The following IGF2R variants were observed in gnomAD, a reference collection of about 807,000 sequenced individuals.
The protein encoded by IGF2R is cation-independent mannose-6-phosphate receptor.
Under a neutral mutation model 270.6 loss-of-function variants are expected in IGF2R, and 91 were observed. The observed-to-expected ratio is 0.34, with a 90% confidence interval of 0.28 to 0.40. The LOEUF (loss-of-function observed/expected upper bound fraction) is 0.40, where lower values mean the gene tolerates loss of function less well. Among genes scored for constraint, IGF2R ranks in the 10% least tolerant of loss-of-function variants. IGF2R has a pLI of 1.00. For synonymous variants in IGF2R, 1,316 were observed against 1,258.9 expected (o/e 1.05, Z -0.96); for missense variants, 2,805 against 3,188.3 (o/e 0.88, Z 2.90).
Position 160,084,880 on chromosome 6 carries a change from A to G in IGF2R, c.6069-115A>G. On this transcript the variant is annotated intron_variant, in intron 40 of 47. Coordinates refer to ENST00000356956, the MANE Select transcript of IGF2R (RefSeq NM_000876.4). This position sits in a 1 kb window ranked among gnomAD's most constrained non-coding sequence, Gnocchi z 4.6. ...TTTTAGTGCTACATTCAGTGATGGA[A>G]TGGAGCCCTTAGTTATCAGAACCTT... The G allele has an allele frequency of 1.0e-6, 1 of 969,824 alleles. No individual in the cohort carries two copies. Among genetic ancestry groups the G allele is most frequent in the Non-Finnish European group, 1.5e-6 (1 of 649,448 alleles). 60.1% of individuals were successfully genotyped at this position (969,824 alleles called of 1,614,324 possible).
chr6:160,008,101 A>C (rs1216424796), intron 2 of IGF2R, among the ~76,000 whole-genome samples: 1 of 152,218 alleles, frequency 6.6e-6, no homozygotes. Context: ...ATAATGTTTT[A>C]AGAAAGTTTA....
intron 2 of IGF2R, chr6:160,007,315 A>G (rs748679672): frequency 1.4e-4 from 22 of 152,214 alleles, no homozygotes; most frequent in Non-Finnish European, 2.9e-4. Context: ...GCTGACTTAC[A>G]TAGTTGTTGA....
rs1419409961 is a variant in IGF2R at position 160,105,241 on chromosome 6, A to AG, written c.*159dup. On this transcript the variant is annotated 3_prime_UTR_variant, in exon 48 of 48. Coordinates refer to ENST00000356956, the MANE Select transcript of IGF2R (RefSeq NM_000876.4). ...GATGGGGGAGAGGGTGAAGGAGGTC[A>AG]GGCCCCACTCCTTCCTGATTGTTTA... 12 of 624,284 alleles carry AG rather than the reference A, an allele frequency of 1.9e-5. No individual in the cohort carries two copies. Among genetic ancestry groups the AG allele is most frequent in the Non-Finnish European group, 1.1e-5 (4 of 361,224 alleles). 38.7% of individuals were successfully genotyped at this position (624,284 alleles called of 1,614,324 possible).
chr6:160,044,811 A>G (rs1181571564), intron 13 of IGF2R, among the ~76,000 whole-genome samples, 154 bp downstream of exon 13: 1 of 152,202 alleles, frequency 6.6e-6, no homozygotes, highest in Non-Finnish European at 1.5e-5. Flanking sequence ...GATGGGAGAT[A>G]GGTCATTTGG....
chr6:160,030,885 A>G (rs931654696), intron 7 of IGF2R, among the ~76,000 whole-genome samples: 1 of 148,514 alleles, frequency 6.7e-6, no homozygotes, highest in Non-Finnish European at 1.5e-5. Flanking sequence ...GTGCAGTGCC[A>G]CGATCTCACT....
intron 4 of IGF2R, among the ~76,000 whole-genome samples, chr6:160,015,766 G>A (rs908525774): frequency 6.6e-6 from 1 of 152,164 alleles, no homozygotes; most frequent in Non-Finnish European, 1.5e-5. Context: ...GGGGCCTGGT[G>A]GAAGGTGATT....
chr6:159,980,818 G>A (rs1783788379), intron 1 of IGF2R, among the ~76,000 whole-genome samples: 1 of 152,264 alleles, frequency 6.6e-6, no homozygotes, highest in Middle Eastern at 3.4e-3. Flanking sequence ...GCTGGGGGCT[G>A]GATTGTCCTT....
At position 160,078,486 on chromosome 6, in the gene IGF2R, C is replaced by T. The variant is rs1232015971; in HGVS notation, c.5478+124C>T. 4 of 904,036 alleles carry T rather than the reference C, an allele frequency of 4.4e-6. No homozygotes were observed. In the African/African-American group the frequency reaches 6.6e-5, roughly 15 times the overall value. The allele number at this position is 904,036 out of a possible 1,614,324, so 56.0% of individuals were successfully genotyped here. On this transcript the variant is annotated intron_variant, in intron 37 of 47. Coordinates refer to ENST00000356956, the MANE Select transcript of IGF2R (RefSeq NM_000876.4). Reference sequence around the variant, plus strand: ...TGAGAGGGTGTATGTGGCCACTGGGCAGCATCTTGGTGCTCTCGTAGGGCA... The same window carrying T: ...TGAGAGGGTGTATGTGGCCACTGGGTAGCATCTTGGTGCTCTCGTAGGGCA...
intron 2 of IGF2R, among the ~76,000 whole-genome samples, chr6:159,995,191 C>T (rs1378708418): frequency 3.4e-5 from 5 of 147,938 alleles, no homozygotes; most frequent in African/African-American, 1.2e-4. Flanking sequence ...ATTTAATGGT[C>T]TTTTTTTTTT....
chr6:160,102,892 G>A lies in IGF2R; in HGVS notation c.6995+221G>A, dbSNP rs1314994449. On this transcript the variant is annotated intron_variant, in intron 46 of 47. Coordinates refer to ENST00000356956, the MANE Select transcript of IGF2R (RefSeq NM_000876.4). The surrounding 1 kb of genome is among the most constrained non-coding windows in gnomAD (Gnocchi z 4.5). Reference sequence around the variant, plus strand: ...AGGCCGAGGCCCTCGCACATCACCCGTGCCTGCGGCTTCTAGGACCGTGGT... The same window carrying A: ...AGGCCGAGGCCCTCGCACATCACCCATGCCTGCGGCTTCTAGGACCGTGGT... 3.3e-5 allele frequency among the ~76,000 whole-genome samples: 5 copies of A among 152,134 alleles called. No homozygotes were observed. Among genetic ancestry groups the A allele is most frequent in the African/African-American group, 7.2e-5 (3 of 41,410 alleles).
intron 10 of IGF2R, among the ~76,000 whole-genome samples, chr6:160,039,285 A>G (rs753780585): frequency 1.3e-4 from 20 of 152,222 alleles, no homozygotes; most frequent in Non-Finnish European, 2.6e-4. Flanking sequence ...TAAGTATTTG[A>G]GTATCTAAAT....
In IGF2R at chr6:160,047,271, C is replaced by G. The variant is rs764614349; in HGVS notation, c.2164C>G (p.Pro722Ala). 6.2e-7 allele frequency: 1 copy of G among 1,613,226 alleles called. No individual in the cohort carries two copies. The highest frequency in any genetic ancestry group is 1.7e-4 in the Middle Eastern group (1 of 6,058). The change falls in exon 16 of 48, where the codon CCG becomes GCG. Residue 722 changes from proline to alanine, a missense_variant. Transcript: ENST00000356956. ...GTPYNNERHT[P>A]RATLITFLCD... ...ACCCTATAACAATGAAAGACACACACCGAGAGCTACGCTCATCACCTTTCT... is the reference window on the plus strand; with the variant it reads ...ACCCTATAACAATGAAAGACACACAGCGAGAGCTACGCTCATCACCTTTCT...
At chr6:160,028,062 A>G (rs1458441475) in intron 6 of IGF2R, among the ~76,000 whole-genome samples, 1 of 152,184 alleles carries the variant, frequency 6.6e-6, no homozygotes, top group African/African-American at 2.4e-5. Context: ...GTGTGTCTGT[A>G]TTAGTTTGCT....
intron 38 of IGF2R, 104 bp from the exon 39 acceptor site, chr6:160,080,025 T>G: frequency 7.4e-7 from 1 of 1,359,320 alleles, no homozygotes. Flanking sequence ...GTCACGTAGG[T>G]GCTTTAGGAT....
intron 35 of IGF2R, 120 bp downstream of exon 35, chr6:160,074,095 G>A (rs954634920): frequency 2.6e-5 from 18 of 693,274 alleles, no homozygotes; most frequent in Non-Finnish European, 4.5e-5. Flanking sequence ...GAGAAAGTAA[G>A]TGGGACTGTG....
rs1198343681 is a variant in IGF2R, at chr6:160,110,410, T to A, written c.*5326T>A. On this transcript the variant is annotated 3_prime_UTR_variant, in exon 48 of 48. Coordinates refer to ENST00000356956, the MANE Select transcript of IGF2R (RefSeq NM_000876.4). ...GTTGCCTCACACCTGCCAGAATGGC[T>A]ACTGTCAGACGAAAGACAACAAGTG... 6.6e-6 allele frequency: 1 copy of A among 152,252 alleles called. No homozygotes were observed. Among genetic ancestry groups the A allele is most frequent in the Non-Finnish European group, 1.5e-5 (1 of 68,050 alleles). The allele number at this position is 152,252 out of a possible 1,614,324, so 9.4% of individuals were successfully genotyped here. A position where few individuals can be genotyped will look rare whatever the true frequency, so the allele number is the denominator to read the frequency against.
At chr6:160,039,788 G>T (rs955750010) in intron 10 of IGF2R, among the ~76,000 whole-genome samples, 1 of 152,300 alleles carries the variant, frequency 6.6e-6, no homozygotes, top group South Asian at 2.1e-4. Context: ...GAGCAAGTCA[G>T]CAAAGCCTCT....
At chr6:159,982,756 C>T (rs3798201) in intron 1 of IGF2R, among the ~76,000 whole-genome samples, 27,162 of 152,122 alleles carry the variant, frequency 0.18, 2,924 homozygotes, top group East Asian at 0.46. Context: ...GGATATATGG[C>T]AATAAATGAG....
At chr6:160,069,756 C>T (rs1354714957) in intron 30 of IGF2R, 112 bp from the exon 31 acceptor site, 2 of 932,788 alleles carry the variant, frequency 2.1e-6, no homozygotes, top group Admixed American at 2.6e-5. Context: ...TGAAGTGACT[C>T]TTAGAAAGCG....
Sources: gnomAD v4.1 joint callset for allele counts (sites outside exome capture counted in the v4.1 genomes callset) on GRCh38, gnomAD v4.1.1 for gene constraint, Gnocchi (gnomAD v3.1) non-coding constraint, MANE v1.5 for transcripts, NCBI Gene and HGNC (gene_info 2026-07-23, HGNC 2026-07-21) for gene names.